BMPR1B: variants seen among roughly 807,000 people sequenced by gnomAD.
BMPR1B encodes the protein bone morphogenetic protein receptor type 1B.
A neutral mutation model predicts 59.1 loss-of-function variants in BMPR1B; 12 were observed. The ratio of observed to expected loss-of-function variants is 0.20; its 90% CI spans 0.13 to 0.33. The LOEUF (loss-of-function observed/expected upper bound fraction) is 0.33, where lower values mean the gene tolerates loss of function less well. BMPR1B is among the 10% of genes least tolerant of loss of function. The probability of loss-of-function intolerance (pLI) is 1.00; values close to 1 mark genes in which losing one functional copy is unlikely to be tolerated. For missense variants in BMPR1B, 550 were observed against 610.9 expected (o/e 0.90, Z 1.05); for synonymous variants, 237 against 207.3 (o/e 1.14, Z -1.23).
intron 4 of BMPR1B, among the ~76,000 whole-genome samples, chr4:95,111,466 T>G (rs1731628971): frequency 6.6e-6 from 1 of 152,092 alleles, no homozygotes; most frequent in Non-Finnish European, 1.5e-5. Context: ...ATCAGTGCAG[T>G]TTTAGACATC....
chr4:94,783,859 G>GA (rs1560482750), intron 1 of BMPR1B, among the ~76,000 whole-genome samples: 2 of 152,254 alleles, frequency 1.3e-5, no homozygotes, highest in East Asian at 3.9e-4. Flanking sequence ...GAGCTGGGGG[G>GA]ATGAGAAGTG....
At chr4:94,872,802 A>T (rs1158410289) in intron 1 of BMPR1B, among the ~76,000 whole-genome samples, 1 of 152,244 alleles carries the variant, frequency 6.6e-6, no homozygotes, top group Non-Finnish European at 1.5e-5. Flanking sequence ...TTTTGCAATT[A>T]CTTACATAAT....
At chr4:95,148,457 C>T (rs891699197) in intron 10 of BMPR1B, among the ~76,000 whole-genome samples, 4 of 151,590 alleles carry the variant, frequency 2.6e-5, no homozygotes, top group Admixed American at 6.6e-5. Context: ...CACTATGTTG[C>T]CCAGTCAGGC....
chr4:95,135,626 T>A (rs1372482185), intron 10 of BMPR1B, among the ~76,000 whole-genome samples: 5 of 152,198 alleles, frequency 3.3e-5, no homozygotes, highest in African/African-American at 9.6e-5. Context: ...TTGAAGCAAT[T>A]GTGAATGGGA....
At chr4:95,026,098 A>ATTTCTTTCTTTATTTC (rs1724342718) in intron 3 of BMPR1B, among the ~76,000 whole-genome samples, 1 of 101,622 alleles carries the variant, frequency 9.8e-6, no homozygotes, top group Non-Finnish European at 2.1e-5. Context: ...GCTTTCTTTC[A>ATTTCTTTCTTTATTTC]TTTCTTTCTT....
At chr4:94,790,220 C>G (rs1246263681) in intron 1 of BMPR1B, among the ~76,000 whole-genome samples, 4 of 152,088 alleles carry the variant, frequency 2.6e-5, no homozygotes. Context: ...ATTGGTGCCT[C>G]TAACCCCCGC....
At chr4:94,775,547 A>G (rs1560478654) in intron 1 of BMPR1B, among the ~76,000 whole-genome samples, 1 of 152,138 alleles carries the variant, frequency 6.6e-6, no homozygotes. Context: ...AAATAAGAGG[A>G]TAAATTTTAT....
rs558640949 is a variant in BMPR1B at position 95,136,273 on chromosome 4, T to C, written c.1076+4761T>C. Reference sequence around the variant, plus strand: ...AGGGATGAAGCCCACTTGATCATGGTGGATAAGCTTTTTGATGTGCAGCTG... The same window carrying C: ...AGGGATGAAGCCCACTTGATCATGGCGGATAAGCTTTTTGATGTGCAGCTG... On this transcript the variant is annotated intron_variant, in intron 10 of 12. Transcript: ENST00000515059. Among the ~76,000 whole-genome samples, 10 of 152,326 alleles carry C rather than the reference T, an allele frequency of 6.6e-5. No individual in the cohort carries two copies. The South Asian group carries it at 1.9e-3, about 28-fold the overall frequency.
intron 1 of BMPR1B, among the ~76,000 whole-genome samples, chr4:94,789,016 A>T (rs1254279428): frequency 6.6e-6 from 1 of 152,188 alleles, no homozygotes; most frequent in East Asian, 1.9e-4. Flanking sequence ...TTGCACTGGG[A>T]CAGGAGTTTC....
At chr4:95,077,457 C>A (rs1728794659) in intron 3 of BMPR1B, among the ~76,000 whole-genome samples, 1 of 152,074 alleles carries the variant, frequency 6.6e-6, no homozygotes, top group Non-Finnish European at 1.5e-5. Flanking sequence ...AGTAGTTTTC[C>A]TTCATTCATT....
intron 1 of BMPR1B, among the ~76,000 whole-genome samples, chr4:94,835,260 C>A (rs1309403569): frequency 2.0e-5 from 3 of 152,110 alleles, no homozygotes; most frequent in African/African-American, 4.8e-5. Flanking sequence ...GGCTTGAACT[C>A]TCGAGCTCAA....
At chr4:95,120,206 CTT>C (rs1220621050) in intron 6 of BMPR1B, among the ~76,000 whole-genome samples, 4 of 152,152 alleles carry the variant, frequency 2.6e-5, no homozygotes, top group African/African-American at 9.7e-5. Flanking sequence ...ATTTTATTGT[CTT>C]TTATGGCTGC....
At chr4:94,847,337 A>G (rs978503635) in intron 1 of BMPR1B, among the ~76,000 whole-genome samples, 1 of 152,196 alleles carries the variant, frequency 6.6e-6, no homozygotes, top group Non-Finnish European at 1.5e-5. Context: ...CTGTTCGTGT[A>G]TGTGTAAATT....
intron 2 of BMPR1B, among the ~76,000 whole-genome samples, chr4:94,976,602 G>A (rs773982163): frequency 1.5e-4 from 23 of 152,202 alleles, no homozygotes; most frequent in Non-Finnish European, 2.9e-4. Flanking sequence ...TCCAGACACA[G>A]ATAAGGCTCC....
intron 2 of BMPR1B, among the ~76,000 whole-genome samples, chr4:94,966,368 TAAA>T (rs1730556949): frequency 6.6e-6 from 1 of 152,002 alleles, no homozygotes; most frequent in Non-Finnish European, 1.5e-5. Flanking sequence ...ATCAGAAGAA[TAAA>T]AAATATAATG....
intron 3 of BMPR1B, among the ~76,000 whole-genome samples, chr4:95,056,522 T>A (rs1726940625): frequency 6.6e-6 from 1 of 152,320 alleles, no homozygotes; most frequent in Middle Eastern, 3.4e-3. Context: ...ACAGGCCTCA[T>A]GGGACCCAGC....
intron 4 of BMPR1B, among the ~76,000 whole-genome samples, chr4:95,106,740 T>C (rs1418859780): frequency 6.6e-6 from 1 of 151,990 alleles, no homozygotes; most frequent in Non-Finnish European, 1.5e-5. Context: ...GGTCAAAATG[T>C]GCATAGCATT....
chr4:94,982,216 A>G (rs1420672752), intron 2 of BMPR1B, among the ~76,000 whole-genome samples: 1 of 152,222 alleles, frequency 6.6e-6, no homozygotes, highest in African/African-American at 2.4e-5. Flanking sequence ...TTTAGAGGCA[A>G]GCATTTCAAG....
intron 3 of BMPR1B, among the ~76,000 whole-genome samples, chr4:95,075,391 T>A (rs1380881657): frequency 2.0e-5 from 3 of 152,168 alleles, no homozygotes; most frequent in Admixed American, 6.6e-5. Flanking sequence ...GTTTTTTAGA[T>A]GCATGATAGC....
Sources: gnomAD v4.1 joint callset for allele counts (sites outside exome capture counted in the v4.1 genomes callset) on GRCh38, gnomAD v4.1.1 for gene constraint, MANE v1.5 for transcripts, NCBI Gene and HGNC (gene_info 2026-07-23, HGNC 2026-07-21) for gene names.